The following C2orf81 variants were observed in gnomAD, a reference collection of about 807,000 sequenced individuals.
The protein encoded by C2orf81 is chromosome 2 open reading frame 81.
A neutral mutation model predicts 7.9 loss-of-function variants in C2orf81; 5 were observed. The observed-to-expected ratio is 0.63, with a 90% CI of 0.33 to 1.33. C2orf81 has a LOEUF of 1.33. Ranked by LOEUF, C2orf81 falls within the 40% of genes most tolerant of loss-of-function variation. The pLI is 0.05. For missense variants in C2orf81, 781 were observed against 830.4 expected (o/e 0.94, Z 0.73); for synonymous variants, 346 against 367.4 (o/e 0.94, Z 0.66).
In C2orf81 at chr2:74,416,152, A is replaced by G; in HGVS notation, c.108T>C (p.Asp36=). 2 of 1,504,546 alleles carry G rather than the reference A, an allele frequency of 1.3e-6. No individual in the cohort carries two copies. The highest frequency in any genetic ancestry group is 2.4e-5 in the South Asian group (2 of 82,818). The allele number at this position is 1,504,546 out of a possible 1,614,324, so 93.2% of individuals were successfully genotyped here. A position where few individuals can be genotyped will look rare whatever the true frequency, so the allele number is the denominator to read the frequency against. Residue 36 remains aspartate (D), a synonymous_variant, in exon 2 of 3, where the codon GAT becomes GAC. Coordinates refer to ENST00000684111, the MANE Select transcript of C2orf81 (RefSeq NM_001316764.3). The part of the protein sequence containing the change: ...RPPTVPVPQV[D]IVPGRLSEAE... Reference sequence around the variant, plus strand: ...CCTCACTGAGCCGCCCAGGCACAATATCCACCTGCGGCACTGGCACAGTGG... The same window carrying G: ...CCTCACTGAGCCGCCCAGGCACAATGTCCACCTGCGGCACTGGCACAGTGG...
chr2:74,420,769 C>CTT (rs1676584701), intron 1 of C2orf81, among the ~76,000 whole-genome samples: 1 of 118,718 alleles, frequency 8.4e-6, no homozygotes, highest in African/African-American at 3.8e-5. Flanking sequence ...CTTTCTTCTT[C>CTT]TTCTTTTTTT....
At position 74,421,583 on chromosome 2, in the gene C2orf81, C is replaced by A. The variant is rs1676617902; in HGVS notation, c.-23G>T. 1 of 424,288 alleles carries A rather than the reference C, an allele frequency of 2.4e-6. No individual in the cohort carries two copies. The highest frequency in any genetic ancestry group is 4.2e-6 in the Non-Finnish European group (1 of 238,568). The allele number at this position is 424,288 out of a possible 1,614,324, so 26.3% of individuals were successfully genotyped here. On this transcript the variant is annotated 5_prime_UTR_variant, in exon 1 of 3. Coordinates refer to ENST00000684111, the MANE Select transcript of C2orf81 (RefSeq NM_001316764.3). ...CATCGCCAACGCGGTCGCAGCAACG[C>A]TGGTGTTTCTGCTGCATCCGGGCCG...
At chr2:74,417,547 G>A (rs1023335552) in intron 1 of C2orf81, 1 of 1,113,746 alleles carries the variant, frequency 9.0e-7, no homozygotes, top group African/African-American at 1.6e-5. Flanking sequence ...ACTAGGGAAG[G>A]TGGGGAAGGA....
At chr2:74,418,065 G>T in intron 1 of C2orf81, 1 of 551,686 alleles carries the variant, frequency 1.8e-6, no homozygotes, top group Non-Finnish European at 3.4e-6. Flanking sequence ...GGAAGGGGTG[G>T]GGGGTGGGAG....
chr2:74,415,594 G>A lies in C2orf81; in HGVS notation c.583C>T (p.Pro195Ser), dbSNP rs1676433589. The A allele has an allele frequency of 6.4e-7, 1 of 1,551,136 alleles. No homozygotes were observed. The highest frequency in any genetic ancestry group is 2.0e-5 in the Admixed American group (1 of 50,990). The change falls in exon 3 of 3, where the codon CCT becomes TCT. Residue 195 changes from proline (P) to serine (S), a missense_variant. Transcript: ENST00000684111. The surrounding 1 kb of genome is among the most constrained non-coding windows in gnomAD (Gnocchi z 5.5). ...CGACCCATCCACGACCTTCCTAAAGGGATCCGGTCCACGCCCCCAGGGTCC... is the reference window on the plus strand; with the variant it reads ...CGACCCATCCACGACCTTCCTAAAGAGATCCGGTCCACGCCCCCAGGGTCC... ...PQDPGGVDRI[P>S]LGRSWMGRGS... is the part of the protein sequence containing the mutation.
intron 1 of C2orf81, among the ~76,000 whole-genome samples, chr2:74,419,790 G>A (rs1300761544): frequency 6.6e-6 from 1 of 152,086 alleles, no homozygotes; most frequent in Non-Finnish European, 1.5e-5. Flanking sequence ...TTTTGTTTTT[G>A]AGACGGAATC....
chr2:74,414,379 GA>G lies in C2orf81; in HGVS notation c.1797del (p.Pro600LeufsTer35). The G allele has an allele frequency of 6.6e-7, 1 of 1,525,172 alleles. No individual in the cohort carries two copies. Among genetic ancestry groups the G allele is most frequent in the Non-Finnish European group, 8.8e-7 (1 of 1,130,724 alleles). The allele number at this position is 1,525,172 out of a possible 1,614,324, so 94.5% of individuals were successfully genotyped here. ...PEQEDKEGST[F>X]PPVEQHPIQT... is the part of the protein sequence containing the mutation. ...TGGATGGGATGTTGCTCAACGGGAG[GA>G]AAGGTGCTACCTTCTTTGTCCTCTT... On this transcript the variant is annotated frameshift_variant, in exon 3 of 3. Coordinates refer to ENST00000684111, the MANE Select transcript of C2orf81 (RefSeq NM_001316764.3). LOFTEE classifies it low-confidence loss of function (END_TRUNC). The surrounding 1 kb of genome is among the most constrained non-coding windows in gnomAD (Gnocchi z 5.3).
intron 1 of C2orf81, chr2:74,417,481 C>A: frequency 7.8e-7 from 1 of 1,273,940 alleles, no homozygotes. Context: ...GAGTAGGGGA[C>A]TCACACCCCT....
intron 1 of C2orf81, chr2:74,418,122 C>T (rs1676515071): frequency 6.6e-6 from 5 of 761,656 alleles, no homozygotes; most frequent in Non-Finnish European, 1.2e-5. Flanking sequence ...CAGAAGGAAG[C>T]TGCTCCTCCA....
At position 74,414,216 on chromosome 2, in the gene C2orf81, AGAGG is replaced by A. The variant is rs1269291139; in HGVS notation, c.*109_*112del. 10 of 1,086,628 alleles carry A rather than the reference AGAGG, an allele frequency of 9.2e-6. No individual in the cohort carries two copies. The highest frequency in any genetic ancestry group is 1.2e-5 in the Non-Finnish European group (10 of 813,818). The allele number at this position is 1,086,628 out of a possible 1,614,324, so 67.3% of individuals were successfully genotyped here. ...ACTCAGGTGTTTATTTCTGGCTAGC[AGAGG>A]GAGGGACCAGTTACTACTGCCAGAG... On this transcript the variant is annotated 3_prime_UTR_variant, in exon 3 of 3. Transcript: ENST00000684111. The surrounding 1 kb of genome is among the most constrained non-coding windows in gnomAD (Gnocchi z 5.3).
rs1468635976 is a variant in C2orf81, at chr2:74,415,852, C to T, written c.325G>A (p.Glu109Lys). The change falls in exon 3 of 3, where the codon GAG (glutamate) becomes AAG (lysine). Residue 109 changes from glutamate (E) to lysine (K), a missense_variant. Glu to Lys is a moderately conservative substitution (Grantham distance 56). Coordinates refer to ENST00000684111, the MANE Select transcript of C2orf81 (RefSeq NM_001316764.3). The surrounding 1 kb of genome is among the most constrained non-coding windows in gnomAD (Gnocchi z 5.5). ...TCCTCAGCTACTGCAGATTCTCCCT[C>T]GTCCCGGGCCAGGAAGCGCCACTCG... The part of the protein sequence containing the change: ...ITEWRFLARD[E>K]GESAVAEDPT... The T allele has an allele frequency of 1.7e-5, 26 of 1,551,424 alleles. No homozygotes were observed. Among genetic ancestry groups the T allele is most frequent in the Non-Finnish European group, 2.1e-5 (24 of 1,146,946 alleles).
chr2:74,418,546 G>A (rs780965580), intron 1 of C2orf81: 355 of 785,870 alleles, frequency 4.5e-4, no homozygotes, highest in Non-Finnish European at 7.2e-4. Flanking sequence ...AGCGGTGCTG[G>A]GCGCTGAGGA....
intron 1 of C2orf81, among the ~76,000 whole-genome samples, chr2:74,420,783 T>C (rs1384770508): frequency 7.4e-6 from 1 of 134,718 alleles, no homozygotes; most frequent in African/African-American, 2.9e-5. Context: ...TTTTTTTTTT[T>C]TTTTTTTTTT....
intron 1 of C2orf81, chr2:74,417,288 GA>G: frequency 9.7e-7 from 1 of 1,035,394 alleles, no homozygotes. Context: ...CCCATCTGAG[GA>G]GAGGAAAATG....
rs947956855 is a variant in C2orf81, at chr2:74,415,316, T to C, written c.861A>G (p.Ser287=). 1.9e-6 allele frequency: 3 copies of C among 1,548,142 alleles called. No homozygotes were observed. The highest frequency in any genetic ancestry group is 1.7e-6 in the Non-Finnish European group (2 of 1,145,074). The part of the protein sequence containing the change: ...DPYLVASPQA[S]TGRGHPLGFH... The stretch of plus-strand genomic sequence containing the variant: ...AGCCGAGGGGGTGTCCCCTCCCAGT[T>C]GAGGCCTGGGGGCTGGCTACCAGGT... Residue 287 remains serine (S), a synonymous_variant, in exon 3 of 3, where the codon TCA becomes TCG. Coordinates refer to ENST00000684111, the MANE Select transcript of C2orf81 (RefSeq NM_001316764.3). This position sits in a 1 kb window ranked among gnomAD's most constrained non-coding sequence, Gnocchi z 5.5.
chr2:74,417,174 C>T (rs141815706), intron 1 of C2orf81, among the ~76,000 whole-genome samples: 168 of 152,322 alleles, frequency 1.1e-3, no homozygotes, highest in South Asian at 8.3e-4. Context: ...AAACAACTGT[C>T]CAGAGGTAGT....
At chr2:74,420,780 T>C (rs981694590) in intron 1 of C2orf81, among the ~76,000 whole-genome samples, 2 of 130,006 alleles carry the variant, frequency 1.5e-5, no homozygotes, top group Non-Finnish European at 3.2e-5. Context: ...TTCTTTTTTT[T>C]TTTTTTTTTT....
At chr2:74,420,768 TC>T (rs1676584129) in intron 1 of C2orf81, among the ~76,000 whole-genome samples, 12 of 138,998 alleles carry the variant, frequency 8.6e-5, no homozygotes, top group African/African-American at 3.6e-4. Context: ...TCTTTCTTCT[TC>T]TTCTTTTTTT....
chr2:74,419,760 A>G (rs530335912), intron 1 of C2orf81, among the ~76,000 whole-genome samples: 3 of 152,228 alleles, frequency 2.0e-5, no homozygotes, highest in African/African-American at 7.2e-5. Flanking sequence ...ATTAAAGGTA[A>G]TCTTTTTTTG....
Sources: gnomAD v4.1 joint callset for allele counts (sites outside exome capture counted in the v4.1 genomes callset) on GRCh38, gnomAD v4.1.1 for gene constraint, Gnocchi (gnomAD v3.1) non-coding constraint, MANE v1.5 for transcripts, NCBI Gene and HGNC (gene_info 2026-07-23, HGNC 2026-07-21) for gene names.